GRIK2: variants seen among roughly 807,000 people sequenced by gnomAD.
GRIK2 encodes the protein glutamate ionotropic receptor kainate type subunit 2.
Under a neutral mutation model 100.3 loss-of-function variants are expected in GRIK2, and 32 were observed. The observed-to-expected ratio is 0.32, with a 90% CI of 0.24 to 0.43. The LOEUF (loss-of-function observed/expected upper bound fraction) is 0.43, where lower values mean the gene tolerates loss of function less well. Among genes scored for constraint, GRIK2 ranks in the 20% least tolerant of loss-of-function variants. GRIK2 has a pLI of 1.00. For synonymous variants in GRIK2, 417 were observed against 389.4 expected (o/e 1.07, Z -0.83); for missense variants, 843 against 1,114.9 (o/e 0.76, Z 3.47).
intron 14 of GRIK2, among the ~76,000 whole-genome samples, chr6:101,990,074 G>C (rs144111133): frequency 1.1e-3 from 161 of 151,646 alleles, no homozygotes; most frequent in African/African-American, 3.8e-3. Flanking sequence ...ATATTACATT[G>C]AGTAATTGCA....
chr6:101,917,641 A>G (rs1349042510), intron 12 of GRIK2, among the ~76,000 whole-genome samples: 4 of 150,498 alleles, frequency 2.7e-5, no homozygotes, highest in Admixed American at 6.7e-5. Flanking sequence ...GGACTACTGT[A>G]TTTTCTTTTG....
chr6:101,394,167 G>A (rs1463112858), intron 1 of GRIK2, among the ~76,000 whole-genome samples: 1 of 152,214 alleles, frequency 6.6e-6, no homozygotes, highest in Non-Finnish European at 1.5e-5. Flanking sequence ...GCGAGGCGAA[G>A]AGAATGAGAC....
intron 10 of GRIK2, among the ~76,000 whole-genome samples, chr6:101,829,493 A>G (rs894670898): frequency 3.3e-5 from 5 of 152,062 alleles, no homozygotes; most frequent in Middle Eastern, 3.4e-3. Context: ...TACCTAAAAA[A>G]CCCTGAAGAT....
rs1190201867 is a variant in GRIK2 at position 101,719,319 on chromosome 6, T to TTAAC, written c.951+32969_951+32972dup. Among the ~76,000 whole-genome samples the TTAAC allele has an allele frequency of 5.3e-5, 8 of 151,930 alleles. No individual in the cohort carries two copies. The East Asian group carries it at 1.6e-3, about 30-fold the overall frequency. On this transcript the variant is annotated intron_variant, in intron 7 of 16. Coordinates refer to ENST00000369134, the MANE Select transcript of GRIK2 (RefSeq NM_021956.5). ...GTTTTGCTTTCATATTCTCTCACCA[T>TTAAC]TAACTATACAGCAGCTAGAGCAGAG...
chr6:102,048,403 A>T (rs1471388778), intron 15 of GRIK2, among the ~76,000 whole-genome samples: 3 of 152,116 alleles, frequency 2.0e-5, no homozygotes, highest in African/African-American at 7.2e-5. Flanking sequence ...AGGAAAAAAA[A>T]TAATAGTGCG....
chr6:101,604,351 A>G (rs1779354163), intron 2 of GRIK2, among the ~76,000 whole-genome samples: 1 of 151,884 alleles, frequency 6.6e-6, no homozygotes, highest in Non-Finnish European at 1.5e-5. Context: ...TTGACAGCCA[A>G]CAGTAAATCA....
intron 4 of GRIK2, among the ~76,000 whole-genome samples, chr6:101,634,495 C>G (rs1205134082): frequency 6.6e-6 from 1 of 151,988 alleles, no homozygotes; most frequent in African/African-American, 2.4e-5. Flanking sequence ...AAAATAGGAA[C>G]TTGGTCTGGG....
At chr6:101,990,404 A>C (rs1198557617) in intron 14 of GRIK2, among the ~76,000 whole-genome samples, 1 of 151,672 alleles carries the variant, frequency 6.6e-6, no homozygotes, top group African/African-American at 2.4e-5. Flanking sequence ...CAGAGCCTCT[A>C]GTCCATGCCT....
chr6:101,828,231 G>A (rs901694069), intron 10 of GRIK2, among the ~76,000 whole-genome samples: 6 of 151,562 alleles, frequency 4.0e-5, no homozygotes, highest in Non-Finnish European at 7.4e-5. Context: ...CTTTGAAATC[G>A]GAAAATAGAC....
chr6:101,459,268 C>T (rs1423232680), intron 2 of GRIK2, among the ~76,000 whole-genome samples: 1 of 152,066 alleles, frequency 6.6e-6, no homozygotes, highest in Non-Finnish European at 1.5e-5. Context: ...TGAATTGAAC[C>T]TTTGAATGTT....
chr6:101,817,551 A>G (rs1479378534), intron 9 of GRIK2, among the ~76,000 whole-genome samples: 1 of 152,156 alleles, frequency 6.6e-6, no homozygotes, highest in East Asian at 1.9e-4. Flanking sequence ...TCATTGTTAT[A>G]TGATAGTGCA....
At chr6:101,654,510 A>C (rs1781964435) in intron 4 of GRIK2, among the ~76,000 whole-genome samples, 1 of 152,174 alleles carries the variant, frequency 6.6e-6, no homozygotes, top group African/African-American at 2.4e-5. Context: ...GTTGCACAGC[A>C]TCTGCTGCTA....
chr6:101,730,297 A>G (rs1775169412), intron 7 of GRIK2, among the ~76,000 whole-genome samples: 1 of 152,000 alleles, frequency 6.6e-6, no homozygotes, highest in South Asian at 2.1e-4. Flanking sequence ...TTTCTGTGTC[A>G]GTAAGAAAGA....
intron 7 of GRIK2, among the ~76,000 whole-genome samples, chr6:101,759,135 C>G (rs990261670): frequency 2.6e-5 from 4 of 152,110 alleles, no homozygotes; most frequent in African/African-American, 9.7e-5. Context: ...TAGGCATATT[C>G]TCTGCATCTG....
In GRIK2 at chr6:101,872,159, C is replaced by T. The variant is rs115314813; in HGVS notation, c.1524+12666C>T. Among the ~76,000 whole-genome samples, 1,482 of 151,956 alleles carry T rather than the reference C, an allele frequency of 9.8e-3. 25 individuals carry two copies. Among genetic ancestry groups the T allele is most frequent in the African/African-American group, 0.033 (1,386 of 41,506 alleles). ...TGCAATCACCCAGGAATATAAAATTCGTGTCTATCCAATTTCTTATTCATG... is the reference window on the plus strand; with the variant it reads ...TGCAATCACCCAGGAATATAAAATTTGTGTCTATCCAATTTCTTATTCATG... On this transcript the variant is annotated intron_variant, in intron 11 of 16. Transcript: ENST00000369134.
At chr6:101,880,227 T>C (rs973937656) in intron 11 of GRIK2, among the ~76,000 whole-genome samples, 11 of 152,082 alleles carry the variant, frequency 7.2e-5, no homozygotes, top group African/African-American at 2.4e-5. Context: ...TATACCCTTC[T>C]TTGGGGTAAC....
At chr6:101,784,484 T>C (rs930264537) in intron 7 of GRIK2, among the ~76,000 whole-genome samples, 1 of 152,208 alleles carries the variant, frequency 6.6e-6, no homozygotes, top group Admixed American at 6.5e-5. Context: ...AGTTAAGACT[T>C]TGAGGGACTG....
chr6:101,836,595 T>G (rs1008384875), intron 10 of GRIK2, among the ~76,000 whole-genome samples: 16 of 144,038 alleles, frequency 1.1e-4, no homozygotes, highest in Non-Finnish European at 2.4e-4. Context: ...TGCTCCTTTT[T>G]GGGGCTTGTT....
intron 11 of GRIK2, among the ~76,000 whole-genome samples, chr6:101,871,970 G>A (rs544482202): frequency 3.9e-5 from 6 of 152,014 alleles, no homozygotes; most frequent in African/African-American, 1.4e-4. Context: ...ACAGCAGCTG[G>A]ACTAACTGAC....
Sources: gnomAD v4.1 joint callset for allele counts (sites outside exome capture counted in the v4.1 genomes callset) on GRCh38, gnomAD v4.1.1 for gene constraint, MANE v1.5 for transcripts, NCBI Gene and HGNC (gene_info 2026-07-23, HGNC 2026-07-21) for gene names.